The following PIWIL2 variants were observed in gnomAD, a reference collection of about 807,000 sequenced individuals.
The protein encoded by PIWIL2 is piwi like RNA-mediated gene silencing 2.
PIWIL2 carries 81 observed loss-of-function variants against 116.5 expected under a neutral mutation model. The observed-to-expected ratio is 0.70, with a 90% CI of 0.58 to 0.84. PIWIL2 has a LOEUF of 0.84. Among genes scored for constraint, PIWIL2 ranks in the 40% least tolerant of loss-of-function variants. PIWIL2 has a pLI of 0.00. For synonymous variants in PIWIL2, 489 were observed against 429.5 expected (o/e 1.14, Z -1.71); for missense variants, 1,272 against 1,212.3 (o/e 1.05, Z -0.73).
intron 1 of PIWIL2, 25 bp downstream of exon 1, chr8:22,275,423 A>G (rs945604875): frequency 2.0e-5 from 3 of 152,414 alleles, no homozygotes; most frequent in Non-Finnish European, 2.9e-5. Context: ...CGGTTGCGGC[A>G]TGCCAGGCAG....
intron 10 of PIWIL2, among the ~76,000 whole-genome samples, chr8:22,296,135 A>C (rs11985017): frequency 0.54 from 81,201 of 149,266 alleles, 22,561 homozygotes; most frequent in East Asian, 0.81. Flanking sequence ...GGCTCACTGC[A>C]ACTTCCACCT....
intron 10 of PIWIL2, 114 bp downstream of exon 10, chr8:22,290,460 G>C (rs1830733883): frequency 1.6e-6 from 1 of 630,258 alleles, no homozygotes; most frequent in Admixed American, 2.3e-5. Context: ...TTTTCCCCCA[G>C]AGACAGGGTC....
intron 20 of PIWIL2, among the ~76,000 whole-genome samples, chr8:22,320,482 G>C (rs1831572686): frequency 6.6e-6 from 1 of 151,518 alleles, no homozygotes; most frequent in Non-Finnish European, 1.5e-5. Context: ...ATGTTGGCCA[G>C]ACTGGGCTGG....
chr8:22,275,695 C>T (rs928155401), intron 1 of PIWIL2: 1 of 152,416 alleles, frequency 6.6e-6, no homozygotes, highest in Non-Finnish European at 1.5e-5. Flanking sequence ...AGGGCTGTGG[C>T]TTTGGGGAAA....
At chr8:22,280,071 T>C (rs1563341974) in intron 2 of PIWIL2, among the ~76,000 whole-genome samples, 1 of 152,212 alleles carries the variant, frequency 6.6e-6, no homozygotes, top group Non-Finnish European at 1.5e-5. Flanking sequence ...ATCTAGAGTT[T>C]CTAGAGGTAT....
At chr8:22,296,395 C>T (rs1451320887) in intron 10 of PIWIL2, among the ~76,000 whole-genome samples, 2 of 152,170 alleles carry the variant, frequency 1.3e-5, no homozygotes, top group East Asian at 3.8e-4. Flanking sequence ...CTCATAACTG[C>T]TGCTTTCTTG....
At chr8:22,297,927 A>G (rs1455713089) in intron 10 of PIWIL2, among the ~76,000 whole-genome samples, 1 of 152,162 alleles carries the variant, frequency 6.6e-6, no homozygotes, top group Admixed American at 6.5e-5. Context: ...AATGCCTTAT[A>G]TGTATAGACA....
At chr8:22,346,768 C>T (rs1222064568) in intron 20 of PIWIL2, among the ~76,000 whole-genome samples, 1 of 152,008 alleles carries the variant, frequency 6.6e-6, no homozygotes, top group Non-Finnish European at 1.5e-5. Context: ...AACAATAAGC[C>T]AGGCATAGTG....
intron 20 of PIWIL2, among the ~76,000 whole-genome samples, chr8:22,350,956 C>T (rs1164111603): frequency 1.3e-5 from 2 of 152,108 alleles, no homozygotes; most frequent in African/African-American, 2.4e-5. Flanking sequence ...GCCTGCCCTA[C>T]GTGGCAAAAC....
chr8:22,310,867 TAGTG>T (rs546414364), intron 15 of PIWIL2, among the ~76,000 whole-genome samples: 34 of 152,312 alleles, frequency 2.2e-4, no homozygotes, highest in African/African-American at 6.5e-4. Context: ...AAATTTGTGT[TAGTG>T]AGTTTCATCC....
At chr8:22,322,143 C>G (rs757125151) in intron 20 of PIWIL2, among the ~76,000 whole-genome samples, 2 of 152,182 alleles carry the variant, frequency 1.3e-5, no homozygotes, top group Admixed American at 1.3e-4. Flanking sequence ...GCCTTGCTAG[C>G]TGTGTTACAT....
rs191429286 is a variant in PIWIL2, at chr8:22,331,797, T to C, written c.2403+13522T>C. 2.7e-4 allele frequency among the ~76,000 whole-genome samples: 41 copies of C among 152,156 alleles called. 1 individual carries two copies. The highest frequency in any genetic ancestry group is 7.7e-4 in the African/African-American group (32 of 41,482). ...CTTGTGTCTGTGTCCTCATCTCCTC[T>C]TCTTATGAGGACATCAGTCATATTG... On this transcript the variant is annotated intron_variant, in intron 20 of 22. Coordinates refer to ENST00000356766, the MANE Select transcript of PIWIL2 (RefSeq NM_018068.5).
At chr8:22,295,272 C>T (rs553745335) in intron 10 of PIWIL2, among the ~76,000 whole-genome samples, 1 of 152,096 alleles carries the variant, frequency 6.6e-6, no homozygotes, top group Non-Finnish European at 1.5e-5. Context: ...TTCTTGGGCT[C>T]AAGTGATCTT....
chr8:22,278,143 T>C (rs1316662682), intron 1 of PIWIL2, among the ~76,000 whole-genome samples: 1 of 149,030 alleles, frequency 6.7e-6, no homozygotes, highest in East Asian at 2.0e-4. Flanking sequence ...ACTCCAGCCT[T>C]GGCAATAAGA....
intron 2 of PIWIL2, among the ~76,000 whole-genome samples, chr8:22,280,104 G>C (rs1415296407): frequency 6.6e-6 from 1 of 152,100 alleles, no homozygotes; most frequent in Non-Finnish European, 1.5e-5. Flanking sequence ...CATAATGAGC[G>C]CTAGATGGAC....
chr8:22,326,382 C>T (rs1307042908), intron 20 of PIWIL2, among the ~76,000 whole-genome samples: 3 of 151,968 alleles, frequency 2.0e-5, no homozygotes, highest in Non-Finnish European at 4.4e-5. Context: ...ATTAGCTGGG[C>T]GTGGTGGTAC....
At chr8:22,296,431 A>G (rs903034426) in intron 10 of PIWIL2, among the ~76,000 whole-genome samples, 5 of 152,162 alleles carry the variant, frequency 3.3e-5, no homozygotes, top group African/African-American at 9.7e-5. Flanking sequence ...TTAGTGTAGC[A>G]TATATACTCC....
intron 20 of PIWIL2, among the ~76,000 whole-genome samples, chr8:22,320,752 G>A (rs1187113442): frequency 6.6e-6 from 1 of 151,730 alleles, no homozygotes; most frequent in Non-Finnish European, 1.5e-5. Flanking sequence ...CACCACGCCT[G>A]GCTAATTTTT....
At chr8:22,282,840 T>G (rs1830542369) in intron 4 of PIWIL2, among the ~76,000 whole-genome samples, 194 bp from the exon 5 acceptor site, 1 of 152,128 alleles carries the variant, frequency 6.6e-6, no homozygotes, top group East Asian at 1.9e-4. Context: ...TCTCCCCACC[T>G]TAGCTTCCCA....
Sources: allele counts gnomAD v4.1 joint callset (sites outside exome capture counted in the v4.1 genomes callset), GRCh38; gene constraint gnomAD v4.1.1; transcripts MANE v1.5; gene names NCBI Gene and HGNC (gene_info 2026-07-23, HGNC 2026-07-21).